RBFOX1: variants seen among roughly 807,000 people sequenced by gnomAD.
RBFOX1 encodes RNA binding protein fox-1 homolog 1.
A neutral mutation model predicts 57.7 loss-of-function variants in RBFOX1; 8 were observed. The observed-to-expected ratio is 0.14, with a 90% CI of 0.08 to 0.25. The LOEUF (loss-of-function observed/expected upper bound fraction) is 0.25. Ranked by LOEUF, RBFOX1 falls within the 10% of genes least tolerant of loss-of-function variation. RBFOX1 has a pLI of 1.00. For synonymous variants in RBFOX1, 326 were observed against 222.4 expected (o/e 1.47, Z -4.15); for missense variants, 611 against 548.5 (o/e 1.11, Z -1.14).
chr16:7,539,495 A>C (rs1601311964), intron 5 of RBFOX1, among the ~76,000 whole-genome samples: 2 of 152,236 alleles, frequency 1.3e-5, no homozygotes, highest in East Asian at 3.9e-4. Flanking sequence ...TGAGAAGCCC[A>C]GGTGACATAT....
At chr16:6,881,001 G>T (rs879323019) in intron 3 of RBFOX1, among the ~76,000 whole-genome samples, 1 of 152,126 alleles carries the variant, frequency 6.6e-6, no homozygotes, top group African/African-American at 2.4e-5. Flanking sequence ...CCTAGGCAGG[G>T]CTGAAAAATA....
intron 1 of RBFOX1, among the ~76,000 whole-genome samples, chr16:5,356,251 C>T (rs540243039): frequency 4.5e-4 from 69 of 152,160 alleles, no homozygotes; most frequent in Non-Finnish European, 8.1e-4. Flanking sequence ...TGGATGCTCC[C>T]TCAGAGCCTC....
chr16:6,759,498 T>G (rs1032989902), intron 3 of RBFOX1, among the ~76,000 whole-genome samples: 1 of 149,968 alleles, frequency 6.7e-6, no homozygotes, highest in African/African-American at 2.5e-5. Flanking sequence ...TGTGTGTGTG[T>G]GTGTGTGTGT....
intron 1 of RBFOX1, among the ~76,000 whole-genome samples, chr16:5,358,869 G>T (rs540881217): frequency 4.6e-5 from 7 of 152,214 alleles, no homozygotes; most frequent in Middle Eastern, 6.8e-3. Flanking sequence ...ATTGACTATA[G>T]TCACCTCATT....
chr16:6,987,859 A>T (rs2090637710), intron 3 of RBFOX1, among the ~76,000 whole-genome samples: 1 of 152,162 alleles, frequency 6.6e-6, no homozygotes, highest in Non-Finnish European at 1.5e-5. Flanking sequence ...TTGGGAGGGC[A>T]TCTCAAAGCA....
chr16:7,164,176 T>C (rs555186027), intron 4 of RBFOX1, among the ~76,000 whole-genome samples: 1 of 152,246 alleles, frequency 6.6e-6, no homozygotes, highest in African/African-American at 2.4e-5. Context: ...CTTTGCGTCC[T>C]CATAGCTTAG....
intron 4 of RBFOX1, among the ~76,000 whole-genome samples, chr16:7,074,206 C>G (rs2057893455): frequency 6.6e-6 from 1 of 152,098 alleles, no homozygotes; most frequent in African/African-American, 2.4e-5. Context: ...TTGAAGTAGA[C>G]AAGGACTTTG....
chr16:6,807,699 G>A lies in RBFOX1; in HGVS notation c.-16+153049G>A, dbSNP rs11077088. 2.6e-4 allele frequency among the ~76,000 whole-genome samples: 40 copies of A among 151,856 alleles called. 1 individual carries two copies. The East Asian group carries it at 7.0e-3, about 27-fold the overall frequency. The stretch of plus-strand genomic sequence containing the variant: ...GGCATGGTGGCAGACGCCTGTAATC[G>A]GAGCTACTCGGGAGGCTAAGGCAGA... On this transcript the variant is annotated intron_variant, in intron 3 of 15. Transcript: ENST00000550418.
chr16:7,701,257 A>AT (rs755477583), intron 14 of RBFOX1, among the ~76,000 whole-genome samples: 48 of 146,350 alleles, frequency 3.3e-4, no homozygotes, highest in Admixed American at 1.0e-3. Flanking sequence ...ATTTTTAGTC[A>AT]TTTTGTAGGT....
At chr16:7,096,362 C>T (rs544174859) in intron 4 of RBFOX1, among the ~76,000 whole-genome samples, 1 of 152,250 alleles carries the variant, frequency 6.6e-6, no homozygotes, top group South Asian at 2.1e-4. Flanking sequence ...GAAACTCTGA[C>T]TCAATTTCTC....
intron 2 of RBFOX1, among the ~76,000 whole-genome samples, chr16:6,647,103 A>G (rs4786903): frequency 0.74 from 112,779 of 152,000 alleles, 41,974 homozygotes; most frequent in Admixed American, 0.84. Context: ...TCTGATGAGC[A>G]CCCTCTTCCT....
chr16:5,907,082 A>G (rs1010661646), intron 4 of RBFOX1, among the ~76,000 whole-genome samples: 5 of 152,060 alleles, frequency 3.3e-5, no homozygotes, highest in African/African-American at 9.7e-5. Context: ...CAGAGGCTTT[A>G]GGGAGGAGAT....
rs564413112 is a variant in RBFOX1 at position 6,275,634 on chromosome 16, G to A, written c.-126-41361G>A. Among the ~76,000 whole-genome samples the A allele has an allele frequency of 7.9e-5, 12 of 152,200 alleles. No homozygotes were observed. In the East Asian group the frequency reaches 1.2e-3, roughly 15 times the overall value. ...TAAAGTCTATATTTATTTCCATTGTGTACTGATGATAGTACTACATTATTT... is the reference window on the plus strand; with the variant it reads ...TAAAGTCTATATTTATTTCCATTGTATACTGATGATAGTACTACATTATTT... On this transcript the variant is annotated intron_variant, in intron 1 of 15. Coordinates refer to ENST00000550418, the MANE Select transcript of RBFOX1 (RefSeq NM_018723.4).
At chr16:5,880,346 G>T (rs2057732212) in intron 4 of RBFOX1, among the ~76,000 whole-genome samples, 1 of 152,174 alleles carries the variant, frequency 6.6e-6, no homozygotes, top group Non-Finnish European at 1.5e-5. Context: ...TGGTAGCATT[G>T]TAGTAGAAAG....
chr16:5,558,676 G>A (rs947588124), intron 2 of RBFOX1, among the ~76,000 whole-genome samples: 4 of 152,066 alleles, frequency 2.6e-5, no homozygotes, highest in Middle Eastern at 3.2e-3. Flanking sequence ...TCCTGCCATC[G>A]TCTCAGTCTT....
chr16:6,342,805 G>T (rs889422442), intron 2 of RBFOX1, among the ~76,000 whole-genome samples: 1 of 152,150 alleles, frequency 6.6e-6, no homozygotes, highest in Non-Finnish European at 1.5e-5. Context: ...CCACTCACAA[G>T]CTCGTCTATG....
intron 4 of RBFOX1, among the ~76,000 whole-genome samples, chr16:7,217,858 ATG>A (rs2092345317): frequency 6.6e-6 from 1 of 151,942 alleles, no homozygotes; most frequent in African/African-American, 2.4e-5. Context: ...GTGTGTGGGC[ATG>A]TGTGTACACG....
At chr16:6,677,385 A>G (rs981539804) in intron 3 of RBFOX1, among the ~76,000 whole-genome samples, 8 of 152,314 alleles carry the variant, frequency 5.3e-5, no homozygotes, top group African/African-American at 1.9e-4. Context: ...TATATGTGAT[A>G]TGTTTCTATG....
At chr16:6,884,690 G>C (rs983828964) in intron 3 of RBFOX1, among the ~76,000 whole-genome samples, 7 of 152,132 alleles carry the variant, frequency 4.6e-5, no homozygotes, top group African/African-American at 1.7e-4. Flanking sequence ...TTGAGGCCAG[G>C]GGTTCCAGAC....
Sources: gnomAD v4.1 joint callset for allele counts (sites outside exome capture counted in the v4.1 genomes callset) on GRCh38, gnomAD v4.1.1 for gene constraint, MANE v1.5 for transcripts, NCBI Gene and HGNC (gene_info 2026-07-23, HGNC 2026-07-21) for gene names.